Variants in SYNPR observed in about 807,000 individuals in gnomAD.
SYNPR encodes the protein synaptoporin.
A neutral mutation model predicts 32.9 loss-of-function variants in SYNPR; 23 were observed. The observed-to-expected ratio is 0.70, with a 90% confidence interval of 0.50 to 0.99. SYNPR has a LOEUF of 0.99. Among genes scored for constraint, SYNPR ranks in the 50% least tolerant of loss-of-function variants. The pLI is 0.00. For synonymous variants in SYNPR, 146 were observed against 135.9 expected, an observed-to-expected ratio of 1.07 and a Z score of -0.52; for missense variants, 318 against 349.3, an observed-to-expected ratio of 0.91 and a Z score of 0.71.
intron 2 of SYNPR, chr3:63,445,509 T>C (rs1012610611): frequency 7.1e-5 from 49 of 691,732 alleles, no homozygotes; most frequent in Non-Finnish European, 1.2e-4. Flanking sequence ...AAGGGATTTT[T>C]AAAATTTCAT....
intron 4 of SYNPR, among the ~76,000 whole-genome samples, chr3:63,560,305 G>T (rs548863179): frequency 1.3e-5 from 2 of 152,276 alleles, no homozygotes; most frequent in East Asian, 3.9e-4. Flanking sequence ...TCAGCAGGAT[G>T]CCATTATAAC....
chr3:63,447,032 A>G (rs1229141212), intron 2 of SYNPR, among the ~76,000 whole-genome samples: 2 of 152,198 alleles, frequency 1.3e-5, no homozygotes, highest in East Asian at 3.8e-4. Flanking sequence ...TCTTAAAAAA[A>G]AAGTCATAAT....
chr3:63,547,351 A>G (rs898732686), intron 3 of SYNPR, among the ~76,000 whole-genome samples: 2 of 152,032 alleles, frequency 1.3e-5, no homozygotes, highest in Admixed American at 6.6e-5. Context: ...CATGATGTGC[A>G]TATTTTCCAG....
At chr3:63,252,671 A>AC (rs2086342504) in intron 2 of SYNPR, 1 of 152,096 alleles carries the variant, frequency 6.6e-6, no homozygotes, top group Non-Finnish European at 1.5e-5. Flanking sequence ...GCGTTTTCAT[A>AC]CCCCCTAGCA....
At chr3:63,414,118 C>G (rs1476170050) in intron 2 of SYNPR, among the ~76,000 whole-genome samples, 2 of 151,838 alleles carry the variant, frequency 1.3e-5, no homozygotes, top group African/African-American at 4.8e-5. Flanking sequence ...GATTGACAAC[C>G]TCTGTTTTGA....
chr3:63,237,146 T>G (rs1273150260), intron 1 of SYNPR, among the ~76,000 whole-genome samples: 1 of 152,182 alleles, frequency 6.6e-6, no homozygotes, highest in Non-Finnish European at 1.5e-5. Context: ...TGTCAATTCA[T>G]ACGATCATGA....
At chr3:63,470,699 C>T (rs1327282517) in intron 2 of SYNPR, among the ~76,000 whole-genome samples, 1 of 152,180 alleles carries the variant, frequency 6.6e-6, no homozygotes, top group Non-Finnish European at 1.5e-5. Flanking sequence ...TCCCAACCCT[C>T]TTCCTCTTGC....
At chr3:63,358,022 G>A (rs538558913) in intron 2 of SYNPR, among the ~76,000 whole-genome samples, 24 of 152,270 alleles carry the variant, frequency 1.6e-4, no homozygotes, top group East Asian at 7.7e-4. Context: ...TGATTCATTC[G>A]CGTAAAATCT....
chr3:63,499,415 A>G (rs895260105), intron 3 of SYNPR, among the ~76,000 whole-genome samples: 3 of 152,134 alleles, frequency 2.0e-5, no homozygotes, highest in Non-Finnish European at 2.9e-5. Context: ...CACCAGACCA[A>G]CTCGATTTCT....
intron 4 of SYNPR, among the ~76,000 whole-genome samples, chr3:63,566,079 G>A (rs1702784596): frequency 2.6e-5 from 4 of 152,248 alleles, no homozygotes; most frequent in Middle Eastern, 3.4e-3. Flanking sequence ...AGTTTTAGAT[G>A]TTACTCATCA....
chr3:63,549,624 G>A (rs1702467074), intron 3 of SYNPR, among the ~76,000 whole-genome samples: 1 of 152,172 alleles, frequency 6.6e-6, no homozygotes, highest in Non-Finnish European at 1.5e-5. Context: ...GTTGAAAAAT[G>A]TTGGTGGTTG....
intron 2 of SYNPR, among the ~76,000 whole-genome samples, chr3:63,261,860 C>A (rs1379281065): frequency 6.6e-6 from 1 of 151,312 alleles, no homozygotes; most frequent in Non-Finnish European, 1.5e-5. Context: ...GGGAACATCA[C>A]ACACCGGGGA....
chr3:63,291,818 G>GTTTC (rs1553864724), intron 2 of SYNPR, among the ~76,000 whole-genome samples: 1 of 143,626 alleles, frequency 7.0e-6, no homozygotes, highest in Admixed American at 7.2e-5. Context: ...AAATATTGTA[G>GTTTC]TTTCTTTCTT....
chr3:63,577,126 C>T (rs1014679560), intron 4 of SYNPR, among the ~76,000 whole-genome samples: 8 of 152,148 alleles, frequency 5.3e-5, no homozygotes, highest in African/African-American at 1.9e-4. Context: ...AAACAGATGG[C>T]TATGCAAATA....
In SYNPR at chr3:63,615,407, G is replaced by A; in HGVS notation, c.784G>A (p.Ala262Thr). The A allele has an allele frequency of 1.2e-6, 2 of 1,613,932 alleles. No individual in the cohort carries two copies. Among genetic ancestry groups the A allele is most frequent in the South Asian group, 1.1e-5 (1 of 91,064 alleles). Residue 262 changes from alanine to threonine, a missense_variant, in exon 6 of 6, where the codon GCG (alanine) becomes ACG (threonine). Ala to Thr is a moderately conservative substitution (Grantham distance 58). Transcript: ENST00000478300. ...YGSSSGYSQQ[A>T]SLGPTSDEFG... ...ATCAAGCAGTGGGTACAGTCAGCAG[G>A]CGAGTTTGGGGCCAACCTCAGATGA...
rs115795815 is a variant in SYNPR at position 63,455,410 on chromosome 3, C to T, written c.85-25422C>T. Among the ~76,000 whole-genome samples the T allele has an allele frequency of 9.8e-3, 1,485 of 152,202 alleles. 28 individuals are homozygous for T. The highest frequency in any genetic ancestry group is 0.034 in the African/African-American group (1,424 of 41,544). On this transcript the variant is annotated intron_variant, in intron 2 of 5. Coordinates refer to ENST00000478300, the MANE Select transcript of SYNPR (RefSeq NM_001130003.2). ...CAAACTCTACTTGGAATTATTTCTA[C>T]AGTGAAATAATGACATTTTAAACTA...
chr3:63,402,274 G>T (rs902433087), intron 2 of SYNPR, among the ~76,000 whole-genome samples: 2 of 152,254 alleles, frequency 1.3e-5, no homozygotes, highest in African/African-American at 4.8e-5. Context: ...CCTGCAAAGT[G>T]GTGACCATCA....
chr3:63,561,557 G>A (rs1226695518), intron 4 of SYNPR: 1 of 152,016 alleles, frequency 6.6e-6, no homozygotes, highest in Non-Finnish European at 1.5e-5. Flanking sequence ...AATAAATCAA[G>A]CTCATAATCC....
intron 4 of SYNPR, among the ~76,000 whole-genome samples, chr3:63,595,007 T>C (rs1208823386): frequency 6.6e-6 from 1 of 152,068 alleles, no homozygotes; most frequent in Non-Finnish European, 1.5e-5. Flanking sequence ...AAGGGATAAA[T>C]GTGGAGCCTC....
Sources: gnomAD v4.1 joint callset for allele counts (sites outside exome capture counted in the v4.1 genomes callset) on GRCh38, gnomAD v4.1.1 for gene constraint, MANE v1.5 for transcripts, NCBI Gene and HGNC (gene_info 2026-07-23, HGNC 2026-07-21) for gene names.